Variants in CELF2 observed in about 807,000 individuals in gnomAD.
CELF2 encodes the protein CUGBP Elav-like family member 2.
In CELF2, 8 loss-of-function variants were observed where a neutral mutation model predicts 62.6. That is an observed-to-expected ratio of 0.13 (90% CI 0.07 to 0.23). The LOEUF (loss-of-function observed/expected upper bound fraction) is 0.23. Among genes scored for constraint, CELF2 ranks in the 10% least tolerant of loss-of-function variants. The probability of loss-of-function intolerance (pLI) is 1.00; values close to 1 mark genes in which losing one functional copy is unlikely to be tolerated. For missense variants in CELF2, 333 were observed against 671.0 expected, an observed-to-expected ratio of 0.50 and a Z score of 5.56; for synonymous variants, 258 against 250.0, an observed-to-expected ratio of 1.03 and a Z score of -0.30.
At chr10:10,670,648 T>C in the CELF2 span, among the ~76,000 whole-genome samples, 52,005 of 152,064 alleles carry the variant, frequency 0.34, 10,940 homozygotes, top group Non-Finnish European at 0.48. Context: ...CTTGGTATTG[T>C]ACATTCTATG....
At chr10:10,488,809 T>C in the CELF2 span, among the ~76,000 whole-genome samples, 3 of 152,114 alleles carry the variant, frequency 2.0e-5, no homozygotes, top group Non-Finnish European at 4.4e-5. Flanking sequence ...ACATTCATTA[T>C]CAAATCTTTC....
At chr10:11,194,947 C>T (rs1286070211) in intron 2 of CELF2, among the ~76,000 whole-genome samples, 1 of 152,202 alleles carries the variant, frequency 6.6e-6, no homozygotes, top group African/African-American at 2.4e-5. Flanking sequence ...AGCTTCATCT[C>T]AGTGGCTTCT....
the CELF2 span, among the ~76,000 whole-genome samples, chr10:10,718,575 G>C: frequency 6.9e-6 from 1 of 144,272 alleles, no homozygotes; most frequent in East Asian, 2.0e-4. Flanking sequence ...AGTGGGCCAA[G>C]ATCGCGCCAC....
chr10:10,804,068 T>C (rs1331111785), intron 1 of CELF2, among the ~76,000 whole-genome samples: 1 of 152,262 alleles, frequency 6.6e-6, no homozygotes, highest in Non-Finnish European at 1.5e-5. Flanking sequence ...AATATGGTAA[T>C]GTAGAAAATT....
chr10:10,600,190 G>A, the CELF2 span, among the ~76,000 whole-genome samples: 1 of 152,242 alleles, frequency 6.6e-6, no homozygotes, highest in African/African-American at 2.4e-5. Flanking sequence ...AGGAGGGGAT[G>A]CTCAGAAAGA....
rs2057604061 is a variant in CELF2, at chr10:11,018,171, G to A, written c.74+8G>A. On this transcript the variant is annotated splice_region_variant and intron_variant, in intron 1 of 12. Transcript: ENST00000633077. ...GCTCGTTCCTGACAGAATGTGAGTG[G>A]CGCCGCGTCCCGAGGCCGGGCGAGC... 2.6e-6 allele frequency: 4 copies of A among 1,518,364 alleles called. No homozygotes were observed. In the African/African-American group the frequency reaches 5.8e-5, roughly 22 times the overall value. 94.1% of individuals were successfully genotyped at this position (1,518,364 alleles called of 1,614,324 possible).
chr10:10,913,919 A>C (rs1297614613), intron 1 of CELF2, among the ~76,000 whole-genome samples: 1 of 138,698 alleles, frequency 7.2e-6, no homozygotes. Flanking sequence ...CGGACGGGGC[A>C]GGGGAAGGAA....
chr10:11,113,167 G>A (rs936130143), intron 1 of CELF2, among the ~76,000 whole-genome samples: 2 of 152,218 alleles, frequency 1.3e-5, no homozygotes, highest in Non-Finnish European at 2.9e-5. Flanking sequence ...AAATATAGAT[G>A]GCTTTCACTT....
rs114744823 is a variant in CELF2, at chr10:10,871,270, A to G, written c.54-48694A>G. Among the ~76,000 whole-genome samples, 1,100 of 152,354 alleles carry G rather than the reference A, an allele frequency of 7.2e-3. 13 individuals carry two copies. Among genetic ancestry groups the G allele is most frequent in the African/African-American group, 0.025 (1,041 of 41,580 alleles). On this transcript the variant is annotated intron_variant, in intron 1 of 13. Coordinates refer to the CELF2 transcript ENST00000636488. ...ATTCCTCATTAGGAAAAGAAACTTC[A>G]TTCCACAACAGAAAGGGAAATGATA...
the CELF2 span, among the ~76,000 whole-genome samples, chr10:10,647,753 T>A: frequency 6.6e-6 from 1 of 152,246 alleles, no homozygotes; most frequent in Admixed American, 6.5e-5. Flanking sequence ...TCTTCCATGA[T>A]AAACATCATC....
chr10:11,232,064 C>T (rs2068913057), intron 3 of CELF2, among the ~76,000 whole-genome samples: 4 of 152,044 alleles, frequency 2.6e-5, no homozygotes, highest in Admixed American at 2.0e-4. Flanking sequence ...CTTATGTATA[C>T]ATGTGCCATG....
Position 11,223,424 on chromosome 10 carries a change from G to A in CELF2, c.354+5917G>A, listed in dbSNP as rs766456971. ...GTGTCAGTCAGGACATCCATTTGGT[G>A]CAGATGCTTCAGATGTACATTTGCA... On this transcript the variant is annotated intron_variant, in intron 3 of 12. Coordinates refer to ENST00000633077, the MANE Select transcript of CELF2 (RefSeq NM_001326342.2). The surrounding 1 kb of genome is among the most constrained non-coding windows in gnomAD (Gnocchi z 5.1). 1.5e-4 allele frequency among the ~76,000 whole-genome samples: 23 copies of A among 152,340 alleles called. 1 individual carries two copies. Among genetic ancestry groups the A allele is most frequent in the Admixed American group, 2.6e-4 (4 of 15,300 alleles).
At chr10:10,606,166 C>T in the CELF2 span, among the ~76,000 whole-genome samples, 25 of 152,272 alleles carry the variant, frequency 1.6e-4, no homozygotes, top group African/African-American at 6.0e-4. Context: ...CAGTGACTGC[C>T]TCCTGTAAGT....
intron 2 of CELF2, among the ~76,000 whole-genome samples, chr10:11,203,119 A>C (rs967536800): frequency 1.3e-5 from 2 of 152,086 alleles, no homozygotes; most frequent in Non-Finnish European, 2.9e-5. Context: ...TGTCATTGGC[A>C]ATGATTGAGA....
In CELF2 at chr10:11,321,175, G is replaced by C; in HGVS notation, c.1097-14G>C. The C allele has an allele frequency of 3.1e-6, 5 of 1,613,690 alleles. No individual in the cohort carries two copies. The highest frequency in any genetic ancestry group is 4.2e-6 in the Non-Finnish European group (5 of 1,179,690). On this transcript the variant is annotated splice_polypyrimidine_tract_variant and intron_variant, in intron 10 of 12. Coordinates refer to ENST00000633077, the MANE Select transcript of CELF2 (RefSeq NM_001326342.2). The surrounding 1 kb of genome is among the most constrained non-coding windows in gnomAD (Gnocchi z 6.2). ...GTGCTGTTTCTCTTCTCTATTGTTG[G>C]GTTTTTTGTAAAGTTGCTCAAATGC...
the CELF2 span, among the ~76,000 whole-genome samples, chr10:10,470,720 C>CA: frequency 6.6e-6 from 1 of 151,160 alleles, no homozygotes; most frequent in Non-Finnish European, 1.5e-5. Flanking sequence ...TGGACCCGCC[C>CA]AAATACTCCA....
chr10:10,871,979 C>A (rs372205429), intron 1 of CELF2, among the ~76,000 whole-genome samples: 4 of 152,088 alleles, frequency 2.6e-5, no homozygotes, highest in African/African-American at 9.7e-5. Flanking sequence ...ACAAAAATTT[C>A]TATTTTGCAT....
the CELF2 span, among the ~76,000 whole-genome samples, chr10:10,785,983 T>A: frequency 6.6e-6 from 1 of 152,146 alleles, no homozygotes. Context: ...AAATGTCAGG[T>A]TGTATATCAT....
chr10:10,858,461 G>C (rs376196680), intron 1 of CELF2, among the ~76,000 whole-genome samples: 2 of 152,262 alleles, frequency 1.3e-5, no homozygotes, highest in South Asian at 2.1e-4. Flanking sequence ...TAGAAAGAAT[G>C]TGTGGCCATT....
Sources: gnomAD v4.1 joint callset for allele counts (sites outside exome capture counted in the v4.1 genomes callset) on GRCh38, gnomAD v4.1.1 for gene constraint, Gnocchi (gnomAD v3.1) non-coding constraint, MANE v1.5 for transcripts, NCBI Gene and HGNC (gene_info 2026-07-23, HGNC 2026-07-21) for gene names.